Variants in ATP2C1 observed in about 807,000 individuals in gnomAD.
ATP2C1 encodes the protein calcium-transporting ATPase type 2C member 1.
A neutral mutation model predicts 120.5 loss-of-function variants in ATP2C1; 31 were observed. The observed-to-expected ratio is 0.26, with a 90% CI of 0.19 to 0.35. ATP2C1 has a LOEUF of 0.35. Ranked by LOEUF, ATP2C1 falls within the 10% of genes least tolerant of loss-of-function variation. ATP2C1 has a pLI of 1.00. For synonymous variants in ATP2C1, 351 were observed against 358.7 expected (o/e 0.98, Z 0.24); for missense variants, 731 against 1,107.5 (o/e 0.66, Z 4.83).
chr3:130,855,588 TGTGTCA>T (rs2067811523), intron 1 of ATP2C1, among the ~76,000 whole-genome samples: 1 of 152,204 alleles, frequency 6.6e-6, no homozygotes, highest in Non-Finnish European at 1.5e-5. Context: ...ATGGCTCATC[TGTGTCA>T]GTGCTGGGAT....
intron 12 of ATP2C1, among the ~76,000 whole-genome samples, chr3:130,961,849 C>T (rs1449597744): frequency 6.6e-6 from 1 of 151,772 alleles, no homozygotes; most frequent in East Asian, 1.9e-4. Context: ...AATAGAAGCA[C>T]TGTAGGCCGT....
intron 11 of ATP2C1, 47 bp downstream of exon 11, chr3:130,956,226 T>C (rs753128474): frequency 1.6e-6 from 2 of 1,273,760 alleles, no homozygotes; most frequent in South Asian, 2.5e-5. Context: ...AGTTTTGTTT[T>C]TTGAATGTGA....
At position 130,934,472 on chromosome 3, in the gene ATP2C1, T is replaced by C. The variant is rs1239730415; in HGVS notation, c.235-150T>C. On this transcript the variant is annotated intron_variant, in intron 4 of 27. Coordinates refer to ENST00000510168, the MANE Select transcript of ATP2C1 (RefSeq NM_001378687.1). ...ATGTAGTTAAGTATAAACGCTTTTTTTGTTAATTGAAGAGATACATAAAAT... is the reference window on the plus strand; with the variant it reads ...ATGTAGTTAAGTATAAACGCTTTTTCTGTTAATTGAAGAGATACATAAAAT... The C allele has an allele frequency of 2.6e-5, 16 of 618,448 alleles. No individual in the cohort carries two copies. The East Asian group carries it at 4.2e-4, about 16-fold the overall frequency. The allele number at this position is 618,448 out of a possible 1,614,324, so 38.3% of individuals were successfully genotyped here. A position where few individuals can be genotyped will look rare whatever the true frequency, so the allele number is the denominator to read the frequency against.
chr3:130,874,146 GAA>G (rs1158885831), intron 1 of ATP2C1, among the ~76,000 whole-genome samples: 3 of 150,576 alleles, frequency 2.0e-5, no homozygotes, highest in Non-Finnish European at 3.0e-5. Flanking sequence ...GAAAAGATAA[GAA>G]AAAAATCTAG....
At chr3:130,940,488 T>G (rs1246077588) in intron 6 of ATP2C1, 142 bp from the exon 7 acceptor site, 1 of 652,616 alleles carries the variant, frequency 1.5e-6, no homozygotes, top group East Asian at 2.8e-5. Flanking sequence ...AGGGACAAGC[T>G]TTTCTGGGTA....
rs2062610489 is a variant in ATP2C1, at chr3:130,996,103, G to A, written c.2118G>A (p.Gln706=). The change falls in exon 23 of 28, where the codon CAG becomes CAA. Residue 706 remains glutamine, a synonymous_variant. Transcript: ENST00000510168. ...YNNIKNFVRF[Q]LSTSIAALTL... ...ACATTAAAAATTTCGTTAGATTCCA[G>A]CTGAGCACGTAAGTTTGCAAGAAAT... The A allele has an allele frequency of 6.2e-7, 1 of 1,610,342 alleles. No homozygotes were observed. Among genetic ancestry groups the A allele is most frequent in the African/African-American group, 1.3e-5 (1 of 74,832 alleles).
chr3:130,954,251 A>C (rs962349169), intron 9 of ATP2C1, among the ~76,000 whole-genome samples: 2 of 152,086 alleles, frequency 1.3e-5, no homozygotes, highest in African/African-American at 4.8e-5. Context: ...TTTATTATTA[A>C]ATAAATTTTA....
intron 1 of ATP2C1, among the ~76,000 whole-genome samples, chr3:130,872,625 C>G (rs111388954): frequency 1.3e-5 from 2 of 151,574 alleles, no homozygotes; most frequent in Non-Finnish European, 2.9e-5. Context: ...TACTCTGTCA[C>G]CCAAGCTGGA....
At chr3:130,862,278 C>G (rs1023172249) in intron 1 of ATP2C1, among the ~76,000 whole-genome samples, 1 of 150,222 alleles carries the variant, frequency 6.7e-6, no homozygotes, top group Admixed American at 6.6e-5. Flanking sequence ...CCACTGTGCC[C>G]GGCCTTTATT....
intron 17 of ATP2C1, among the ~76,000 whole-genome samples, chr3:130,970,590 C>T (rs992462806): frequency 6.6e-6 from 1 of 152,026 alleles, no homozygotes; most frequent in Non-Finnish European, 1.5e-5. Flanking sequence ...GATGGGATCT[C>T]ATTGTGTTTC....
At chr3:130,930,860 A>G (rs574283442) in intron 3 of ATP2C1, among the ~76,000 whole-genome samples, 5 of 152,264 alleles carry the variant, frequency 3.3e-5, no homozygotes, top group South Asian at 4.1e-4. Flanking sequence ...TCTAGGAACT[A>G]TATTAGTGCT....
At chr3:130,889,638 CTTTTT>C (rs1170424148), upstream of ATP2C1, among the ~76,000 whole-genome samples, 254 of 77,660 alleles carry the variant, frequency 3.3e-3, no homozygotes, top group Admixed American at 4.6e-3. Flanking sequence ...ATTCTTTAAA[CTTTTT>C]TTTTTTTTTT....
intron 8 of ATP2C1, among the ~76,000 whole-genome samples, chr3:130,947,248 CA>C (rs1391583878): frequency 6.6e-6 from 1 of 150,824 alleles, no homozygotes; most frequent in Non-Finnish European, 1.5e-5. Context: ...CCATCCACCA[CA>C]TTAAAAAAAA....
At chr3:130,934,457 G>A (rs56864440) in intron 4 of ATP2C1, among the ~76,000 whole-genome samples, 165 bp from the exon 5 acceptor site, 2,752 of 151,378 alleles carry the variant, frequency 0.018, 37 homozygotes, top group Middle Eastern at 0.038. Flanking sequence ...ATGTAGTTAA[G>A]TATAAACGCT....
rs2062923002 is a variant in ATP2C1 at position 131,002,205 on chromosome 3, T to C, written c.*855T>C. On this transcript the variant is annotated 3_prime_UTR_variant, in exon 28 of 28. Coordinates refer to ENST00000510168, the MANE Select transcript of ATP2C1 (RefSeq NM_001378687.1). ...CTTTTTGAGGTAAAGATATATACTT[T>C]GTCAAATATCATTTTGTCATCCTCT... 4 of 969,404 alleles carry C rather than the reference T, an allele frequency of 4.1e-6. No individual in the cohort carries two copies. The highest frequency in any genetic ancestry group is 4.9e-6 in the Non-Finnish European group (4 of 815,380). The allele number at this position is 969,404 out of a possible 1,614,324, so 60.1% of individuals were successfully genotyped here. A position where few individuals can be genotyped will look rare whatever the true frequency, so the allele number is the denominator to read the frequency against.
At chr3:130,862,002 T>C (rs1008539650) in intron 1 of ATP2C1, among the ~76,000 whole-genome samples, 1 of 152,082 alleles carries the variant, frequency 6.6e-6, no homozygotes. Flanking sequence ...GAGATGGAGT[T>C]TCGCTCTGTC....
At chr3:130,904,035 C>CT (rs1346543619) in intron 2 of ATP2C1, among the ~76,000 whole-genome samples, 2 of 151,920 alleles carry the variant, frequency 1.3e-5, no homozygotes, top group African/African-American at 4.8e-5. Flanking sequence ...GATGCAAATT[C>CT]AATTATGGTA....
chr3:131,007,788 C>A (rs939213818), downstream of ATP2C1, among the ~76,000 whole-genome samples: 1 of 152,152 alleles, frequency 6.6e-6, no homozygotes, highest in Non-Finnish European at 1.5e-5. Flanking sequence ...GACCATTGCT[C>A]TTATCAGGTC....
At chr3:130,903,284 A>G (rs2057950975) in intron 2 of ATP2C1, among the ~76,000 whole-genome samples, 1 of 152,094 alleles carries the variant, frequency 6.6e-6, no homozygotes, top group African/African-American at 2.4e-5. Flanking sequence ...AAATAATAAC[A>G]GAGTACATTT....
Sources: gnomAD v4.1 joint callset for allele counts (sites outside exome capture counted in the v4.1 genomes callset) on GRCh38, gnomAD v4.1.1 for gene constraint, MANE v1.5 for transcripts, NCBI Gene and HGNC (gene_info 2026-07-23, HGNC 2026-07-21) for gene names.